DENND3: variants seen among roughly 807,000 people sequenced by gnomAD.
The protein encoded by DENND3 is DENN domain containing 3.
DENND3 carries 88 observed loss-of-function variants against 135.1 expected under a neutral mutation model. The observed-to-expected ratio is 0.65, with a 90% CI of 0.55 to 0.78. The LOEUF is 0.78. DENND3 is among the 30% of genes least tolerant of loss of function. DENND3 has a pLI of 0.00. For synonymous variants in DENND3, 693 were observed against 712.3 expected (o/e 0.97, Z 0.43); for missense variants, 1,392 against 1,688.4 (o/e 0.82, Z 3.08).
intron 8 of DENND3, chr8:141,157,320 C>T: frequency 1.0e-6 from 1 of 985,292 alleles, no homozygotes; most frequent in South Asian, 4.7e-5. Context: ...GTTGGGTGTG[C>T]CCCAAGCAGT....
chr8:141,169,370 C>T (rs924493575), intron 13 of DENND3, among the ~76,000 whole-genome samples: 3 of 152,212 alleles, frequency 2.0e-5, no homozygotes, highest in Admixed American at 6.5e-5. Flanking sequence ...CTCTGAGCTG[C>T]GCTCTGTGTG....
chr8:141,134,094 C>G (rs1422719606), intron 1 of DENND3, among the ~76,000 whole-genome samples: 1 of 152,014 alleles, frequency 6.6e-6, no homozygotes, highest in East Asian at 1.9e-4. Flanking sequence ...AAGACAGTTC[C>G]AGGATCCAGG....
At chr8:141,136,415 G>A in intron 1 of DENND3, 94 bp from the exon 2 acceptor site, 1 of 1,306,558 alleles carries the variant, frequency 7.7e-7, no homozygotes, top group Non-Finnish European at 1.0e-6. Flanking sequence ...GCACCGAGGG[G>A]AGGAGAAAAA....
chr8:141,165,490 G>T (rs1380358363), intron 11 of DENND3, among the ~76,000 whole-genome samples: 1 of 148,884 alleles, frequency 6.7e-6, no homozygotes, highest in African/African-American at 2.5e-5. Flanking sequence ...TTGAGACGGA[G>T]TCTCGCTCTT....
At chr8:141,184,892 C>T (rs571365918) in intron 17 of DENND3, 7 of 414,436 alleles carry the variant, frequency 1.7e-5, no homozygotes, top group East Asian at 1.1e-4. Flanking sequence ...CACAGGCATT[C>T]GGCTCTGCAT....
intron 16 of DENND3, 53 bp from the exon 17 acceptor site, chr8:141,180,694 C>T (rs182923729): frequency 4.6e-5 from 69 of 1,508,102 alleles, no homozygotes; most frequent in East Asian, 6.9e-5. Flanking sequence ...CGTTGCATCG[C>T]GTCTGTTTCC....
In DENND3 at chr8:141,194,669, G is replaced by C; in HGVS notation, c.*436G>C. The C allele has an allele frequency of 5.2e-6, 1 of 192,422 alleles. No individual in the cohort carries two copies. The highest frequency in any genetic ancestry group is 1.1e-5 in the Non-Finnish European group (1 of 90,558). The allele number at this position is 192,422 out of a possible 1,614,324, so 11.9% of individuals were successfully genotyped here. A position where few individuals can be genotyped will look rare whatever the true frequency, so the allele number is the denominator to read the frequency against. The stretch of plus-strand genomic sequence containing the variant: ...CACCCAGTCCTTACGAATCACCGAG[G>C]AACACTGGGCTGAGCACATGACAGG... On this transcript the variant is annotated 3_prime_UTR_variant, in exon 23 of 23. Coordinates refer to ENST00000519811, the MANE Select transcript of DENND3 (RefSeq NM_001352890.3).
chr8:141,143,557 A>G (rs1817718138), intron 4 of DENND3, among the ~76,000 whole-genome samples: 2 of 152,172 alleles, frequency 1.3e-5, no homozygotes, highest in South Asian at 4.2e-4. Context: ...GGCGCACACC[A>G]CCACACCAGG....
chr8:141,192,934 C>G, intron 22 of DENND3: 1 of 1,385,192 alleles, frequency 7.2e-7, no homozygotes, highest in Non-Finnish European at 9.5e-7. Flanking sequence ...TCACAGTTCT[C>G]GACGCTGGAG....
rs1816809312 is a variant in DENND3, at chr8:141,136,543, C to T, written c.137C>T (p.Ala46Val). 1.9e-6 allele frequency: 3 copies of T among 1,553,124 alleles called. No individual in the cohort carries two copies. Among genetic ancestry groups the T allele is most frequent in the African/African-American group, 1.4e-5 (1 of 73,312 alleles). The change falls in exon 2 of 23, where the codon GCT becomes GTT. Residue 46 changes from alanine (A) to valine (V), a missense_variant. By Grantham distance (64) the Ala-to-Val change is moderately conservative (BLOSUM62 0). Coordinates refer to ENST00000519811, the MANE Select transcript of DENND3 (RefSeq NM_001352890.3). ...AYKKGVKHLS[A>V]LLDPEVLSIF... ...AAAAAGGGAGTCAAACATCTTTCTG[C>T]TCTTCTTGATCCAGAGGTCCTGTCC...
rs201900723 is a variant in DENND3, at chr8:141,176,731, G to C, written c.2676G>C (p.Trp892Cys). ...GGCACCTGATGGTGAAGGAGATGTGGGCTGGGAAGAAGCTGGCCGATGACC... is the reference window on the plus strand; with the variant it reads ...GGCACCTGATGGTGAAGGAGATGTGCGCTGGGAAGAAGCTGGCCGATGACC... ...DLWHLMVKEM[W>C]AGKKLADDHK... The change falls in exon 15 of 23, where the codon TGG (tryptophan) becomes TGC (cysteine). Residue 892 changes from tryptophan (W) to cysteine (C), a missense_variant. Coordinates refer to ENST00000519811, the MANE Select transcript of DENND3 (RefSeq NM_001352890.3). 6.1e-5 allele frequency: 99 copies of C among 1,614,010 alleles called. No homozygotes were observed. Among genetic ancestry groups the C allele is most frequent in the Non-Finnish European group, 8.2e-5 (97 of 1,179,996 alleles).
At chr8:141,170,001 C>T (rs952672740) in intron 13 of DENND3, among the ~76,000 whole-genome samples, 4 of 152,246 alleles carry the variant, frequency 2.6e-5, no homozygotes, top group African/African-American at 9.6e-5. Flanking sequence ...AACCGTCAGT[C>T]GGGCTTGGCG....
chr8:141,129,268 T>G (rs1320030235), intron 1 of DENND3, among the ~76,000 whole-genome samples: 1 of 152,388 alleles, frequency 6.6e-6, no homozygotes, highest in East Asian at 1.9e-4. Context: ...TCATTCTTTA[T>G]GCTGGGATGT....
Position 141,168,078 on chromosome 8 carries a change from G to T in DENND3, c.1828G>T (p.Val610Leu). The stretch of plus-strand genomic sequence containing the variant: ...CCACTTTCCGCTGGAGAGCAAGTGC[G>T]TGCAGGCATACCATGCCCACTTTGT... ...EIHFPLESKC[V>L]QAYHAHFVSM... The change falls in exon 13 of 23, where the codon GTG becomes TTG. Residue 610 changes from valine to leucine, a missense_variant. Transcript: ENST00000519811. This position sits in a 1 kb window ranked among gnomAD's most constrained non-coding sequence, Gnocchi z 6.2. 6.2e-6 allele frequency: 10 copies of T among 1,614,134 alleles called. No homozygotes were observed. The highest frequency in any genetic ancestry group is 8.5e-6 in the Non-Finnish European group (10 of 1,180,038).
Position 141,160,666 on chromosome 8 carries a change from G to C in DENND3, c.1231G>C (p.Ala411Pro). 1 of 1,610,100 alleles carries C rather than the reference G, an allele frequency of 6.2e-7. No homozygotes were observed. The highest frequency in any genetic ancestry group is 1.3e-5 in the African/African-American group (1 of 74,968). ...QSLQLHHELH[A>P]AHLLSSTDLK... ...CCTCCAGCTCCACCATGAGCTGCACGCCGCCCACCTCCTCTCCAGCACAGA... is the reference window on the plus strand; with the variant it reads ...CCTCCAGCTCCACCATGAGCTGCACCCCGCCCACCTCCTCTCCAGCACAGA... Residue 411 changes from alanine (A) to proline (P), a missense_variant, in exon 9 of 23, where the codon GCC (alanine) becomes CCC (proline). Transcript: ENST00000519811.
intron 1 of DENND3, among the ~76,000 whole-genome samples, chr8:141,133,126 G>T (rs532532742): frequency 7.2e-5 from 11 of 152,324 alleles, no homozygotes; most frequent in African/African-American, 2.6e-4. Flanking sequence ...TCTGCAGTGA[G>T]CGTGGGGGGT....
chr8:141,136,614 G>A lies in DENND3; in HGVS notation c.208G>A (p.Gly70Ser), dbSNP rs566724609. The change falls in exon 2 of 23, where the codon GGT (glycine) becomes AGT (serine). Residue 70 changes from glycine (G) to serine (S), a missense_variant. Transcript: ENST00000519811. ...CAGTAAAGAGGACAGTCAAATGGCC[G>A]GTGCCAACTGCGGCACTCTCGGTAA... ...FISKEDSQMA[G>S]ANCGTLGKTR... The A allele has an allele frequency of 6.0e-5, 97 of 1,605,890 alleles. No individual in the cohort carries two copies. The South Asian group carries it at 1.1e-3, about 17-fold the overall frequency.
At position 141,138,342 on chromosome 8, in the gene DENND3, C is replaced by G. The variant is rs916157726; in HGVS notation, c.501+205C>G. Among the ~76,000 whole-genome samples the G allele has an allele frequency of 1.3e-5, 2 of 152,092 alleles. No homozygotes were observed. The highest frequency in any genetic ancestry group is 4.8e-5 in the African/African-American group (2 of 41,390). On this transcript the variant is annotated intron_variant, in intron 3 of 22. Transcript: ENST00000519811. The surrounding 1 kb of genome is among the most constrained non-coding windows in gnomAD (Gnocchi z 4.8). ...CCCTGAAAACCCCATACCATTAAGC[C>G]TTCAGTCCTGCTTCCCCTTCCTGCC...
rs918628586 is a variant in DENND3 at position 141,180,916 on chromosome 8, G to C, written c.2944+62G>C. Reference sequence around the variant, plus strand: ...CAGCCAATCTGATGCGCTTAGGTTTGGGTTCAGGGTCAGCCCTGAAGTGAA... The same window carrying C: ...CAGCCAATCTGATGCGCTTAGGTTTCGGTTCAGGGTCAGCCCTGAAGTGAA... On this transcript the variant is annotated intron_variant, in intron 17 of 22. Transcript: ENST00000519811. 5.6e-6 allele frequency: 8 copies of C among 1,420,608 alleles called. No homozygotes were observed. The Middle Eastern group carries it at 7.2e-4, about 128-fold the overall frequency. 88.0% of individuals were successfully genotyped at this position (1,420,608 alleles called of 1,614,324 possible).
Sources: gnomAD v4.1 joint callset for allele counts (sites outside exome capture counted in the v4.1 genomes callset) on GRCh38, gnomAD v4.1.1 for gene constraint, Gnocchi (gnomAD v3.1) non-coding constraint, MANE v1.5 for transcripts, NCBI Gene and HGNC (gene_info 2026-07-23, HGNC 2026-07-21) for gene names.